FAS: variants seen among roughly 807,000 people sequenced by gnomAD.
FAS encodes the protein Fas cell surface death receptor, also known as tumor necrosis factor receptor superfamily member 6.
A neutral mutation model predicts 33.2 loss-of-function variants in FAS; 5 were observed. The observed-to-expected ratio is 0.15, with a 90% confidence interval of 0.08 to 0.32. The LOEUF (loss-of-function observed/expected upper bound fraction) is 0.32. Among genes scored for constraint, FAS ranks in the 10% least tolerant of loss-of-function variants. The pLI, the probability that FAS is intolerant of heterozygous loss-of-function variation, is 1.00. For synonymous variants in FAS, 131 were observed against 130.7 expected, an observed-to-expected ratio of 1.00 and a Z score of -0.01; for missense variants, 339 against 386.0, an observed-to-expected ratio of 0.88 and a Z score of 1.02.
chr10:88,989,939 G>A (rs1847065671), upstream of FAS, among the ~76,000 whole-genome samples: 1 of 152,108 alleles, frequency 6.6e-6, no homozygotes, highest in South Asian at 2.1e-4. Context: ...GCTATCTACC[G>A]TTCCAAAGCA....
At chr10:88,987,118 G>C (rs1274683707), upstream of FAS, among the ~76,000 whole-genome samples, 1 of 152,126 alleles carries the variant, frequency 6.6e-6, no homozygotes, top group African/African-American at 2.4e-5. Flanking sequence ...AATAGACTTT[G>C]TCACTTGGCC....
chr10:89,014,846 G>C lies in FAS; in HGVS notation c.*396G>C, dbSNP rs1440326295. On this transcript the variant is annotated 3_prime_UTR_variant, in exon 9 of 9. Transcript: ENST00000652046. ...TCAATAGAAGAAGCTATGACCTTTT[G>C]CTGAAATATCAGTTACTGAACAGGC... 2 of 539,916 alleles carry C rather than the reference G, an allele frequency of 3.7e-6. No individual in the cohort carries two copies. Among genetic ancestry groups the C allele is most frequent in the African/African-American group, 3.7e-5 (2 of 54,120 alleles). 33.4% of individuals were successfully genotyped at this position (539,916 alleles called of 1,614,324 possible). A position where few individuals can be genotyped will look rare whatever the true frequency, so the allele number is the denominator to read the frequency against.
chr10:89,010,153 TG>T (rs1848452363), intron 4 of FAS, among the ~76,000 whole-genome samples: 2 of 152,200 alleles, frequency 1.3e-5, no homozygotes, highest in Admixed American at 6.5e-5. Flanking sequence ...GCCATTTTCT[TG>T]GTCTATAGGA....
Position 89,016,781 on chromosome 10 carries a change from G to C in FAS, c.*2331G>C, listed in dbSNP as rs1848822702. 4.5e-6 allele frequency: 1 copy of C among 221,162 alleles called. No individual in the cohort carries two copies. Among genetic ancestry groups the C allele is most frequent in the Non-Finnish European group, 9.1e-6 (1 of 110,402 alleles). The allele number at this position is 221,162 out of a possible 1,614,324, so 13.7% of individuals were successfully genotyped here. ...GAAAAAAAGGCTATTTGCAGAAGGAGCTCACAGATCACATTGAAAGCATTG... is the reference window on the plus strand; with the variant it reads ...GAAAAAAAGGCTATTTGCAGAAGGACCTCACAGATCACATTGAAAGCATTG... On this transcript the variant is annotated 3_prime_UTR_variant, in exon 9 of 9. Coordinates refer to ENST00000652046, the MANE Select transcript of FAS (RefSeq NM_000043.6).
intron 2 of FAS, among the ~76,000 whole-genome samples, chr10:88,976,741 TA>T (rs1846573599): frequency 6.6e-6 from 1 of 152,214 alleles, no homozygotes; most frequent in South Asian, 2.1e-4. Flanking sequence ...ATGATAGAAA[TA>T]AAGTGTTGAA....
chr10:89,000,753 T>C (rs931235509), intron 1 of FAS, among the ~76,000 whole-genome samples: 2 of 152,098 alleles, frequency 1.3e-5, no homozygotes, highest in Non-Finnish European at 2.9e-5. Context: ...TGCCTAGAGG[T>C]AAAATCCTCT....
chr10:88,975,807 C>T (rs936966450), intron 2 of FAS, among the ~76,000 whole-genome samples: 11 of 152,164 alleles, frequency 7.2e-5, no homozygotes, highest in Admixed American at 2.0e-4. Context: ...TTGAGGCTCA[C>T]CTCCATTGAA....
At chr10:89,007,596 C>G (rs1848301832) in intron 2 of FAS, 104 bp from the exon 3 acceptor site, 7 of 1,454,726 alleles carry the variant, frequency 4.8e-6, no homozygotes, top group Non-Finnish European at 6.6e-6. Context: ...CCCCCCTCCC[C>G]TTGTGTTTTA....
intron 2 of FAS, among the ~76,000 whole-genome samples, chr10:89,003,651 C>T (rs1311592290): frequency 6.6e-6 from 1 of 152,150 alleles, no homozygotes; most frequent in Non-Finnish European, 1.5e-5. Context: ...AATATATTTG[C>T]ATTTTGCAGC....
At chr10:89,010,273 C>T (rs1349145663) in intron 4 of FAS, among the ~76,000 whole-genome samples, 1 of 152,164 alleles carries the variant, frequency 6.6e-6, no homozygotes, top group East Asian at 1.9e-4. Context: ...TCCACTTCAT[C>T]TCTCTTGTGT....
chr10:89,002,824 G>A, intron 1 of FAS: 1 of 578,130 alleles, frequency 1.7e-6, no homozygotes. Context: ...GCTGTTTCTA[G>A]TGTGGTTTGA....
In FAS at chr10:89,016,026, T is replaced by A. The variant is rs1462825595; in HGVS notation, c.*1576T>A. On this transcript the variant is annotated 3_prime_UTR_variant, in exon 9 of 9. Coordinates refer to ENST00000652046, the MANE Select transcript of FAS (RefSeq NM_000043.6). ...CAGTTTCGTATTCCAGATACTGGAA[T>A]GTGGATAAGAAAGTATACATTTCAA... is the stretch of plus-strand genomic sequence containing the variant. 2 of 242,270 alleles carry A rather than the reference T, an allele frequency of 8.3e-6. No individual in the cohort carries two copies. Among genetic ancestry groups the A allele is most frequent in the African/African-American group, 4.4e-5 (2 of 45,148 alleles). The allele number at this position is 242,270 out of a possible 1,614,324, so 15.0% of individuals were successfully genotyped here. A position where few individuals can be genotyped will look rare whatever the true frequency, so the allele number is the denominator to read the frequency against.
chr10:88,964,169 T>C (rs1032622062), intron 1 of FAS, among the ~76,000 whole-genome samples: 27 of 152,246 alleles, frequency 1.8e-4, no homozygotes, highest in African/African-American at 6.5e-4. Context: ...TTGCATTGTA[T>C]GGGAGGAAAA....
chr10:88,971,970 G>A (rs1218591629), intron 1 of FAS, among the ~76,000 whole-genome samples: 2 of 151,032 alleles, frequency 1.3e-5, no homozygotes, highest in African/African-American at 4.9e-5. Context: ...GTGCAGAGGC[G>A]TGATCTCAGC....
intron 2 of FAS, among the ~76,000 whole-genome samples, chr10:89,004,419 G>A (rs1268822486): frequency 3.3e-5 from 5 of 151,856 alleles, no homozygotes; most frequent in African/African-American, 1.2e-4. Context: ...CAATCTGCAG[G>A]TTAGTTACAT....
At chr10:89,013,285 A>C in intron 7 of FAS, 58 bp from the exon 8 acceptor site, 1 of 1,525,392 alleles carries the variant, frequency 6.6e-7, no homozygotes, top group South Asian at 1.2e-5. Context: ...TCACATTTAG[A>C]ATATTCTAAA....
At chr10:88,967,104 C>T (rs1347211697) in intron 1 of FAS, among the ~76,000 whole-genome samples, 3 of 152,218 alleles carry the variant, frequency 2.0e-5, no homozygotes, top group Non-Finnish European at 4.4e-5. Context: ...CTCGAGATAT[C>T]TTTGGATGCA....
intron 3 of FAS, 98 bp from the exon 4 acceptor site, chr10:89,008,791 C>A: frequency 2.0e-6 from 2 of 1,017,642 alleles, no homozygotes; most frequent in Non-Finnish European, 3.1e-6. Flanking sequence ...TTGATATAAG[C>A]AGTGGATCTC....
At chr10:88,987,473 C>T (rs77496543), upstream of FAS, among the ~76,000 whole-genome samples, 32 of 152,232 alleles carry the variant, frequency 2.1e-4, no homozygotes, top group Non-Finnish European at 2.9e-4. Context: ...AGCATGGTTT[C>T]CTCTCAGTGT....
Sources: allele counts gnomAD v4.1 joint callset (sites outside exome capture counted in the v4.1 genomes callset), GRCh38; gene constraint gnomAD v4.1.1; transcripts MANE v1.5; gene names NCBI Gene and HGNC (gene_info 2026-07-23, HGNC 2026-07-21).